ABCB1: variants seen among roughly 807,000 people sequenced by gnomAD.
ABCB1 encodes the protein ATP binding cassette subfamily B member 1.
ABCB1 carries 69 observed loss-of-function variants against 142.0 expected under a neutral mutation model. That is an observed-to-expected ratio of 0.49 (90% CI 0.40 to 0.59). The LOEUF (loss-of-function observed/expected upper bound fraction) is 0.59. Among genes scored for constraint, ABCB1 ranks in the 20% least tolerant of loss-of-function variants. The probability of loss-of-function intolerance (pLI) is 0.00; values close to 1 mark genes in which losing one functional copy is unlikely to be tolerated. For missense variants in ABCB1, 1,326 were observed against 1,554.7 expected, an observed-to-expected ratio of 0.85 and a Z score of 2.47; for synonymous variants, 532 against 539.2, an observed-to-expected ratio of 0.99 and a Z score of 0.18.
chr7:87,703,944 A>G (rs1829362969), intron 1 of ABCB1, among the ~76,000 whole-genome samples: 1 of 25,158 alleles, frequency 4.0e-5, no homozygotes, highest in Admixed American at 6.4e-4. Context: ...TTTTTTTGAG[A>G]CAGTCTAGTT....
chr7:87,643,793 C>G (rs991799427), intron 1 of ABCB1, among the ~76,000 whole-genome samples: 1 of 151,722 alleles, frequency 6.6e-6, no homozygotes, highest in African/African-American at 2.4e-5. Context: ...TCCCAAAGTG[C>G]TAGGATTACA....
At chr7:87,514,583 A>T (rs917613239) in intron 25 of ABCB1, among the ~76,000 whole-genome samples, 3 of 152,152 alleles carry the variant, frequency 2.0e-5, no homozygotes, top group Admixed American at 2.0e-4. Flanking sequence ...AATGCTCAAG[A>T]GTTCAACCCC....
intron 1 of ABCB1, among the ~76,000 whole-genome samples, chr7:87,633,636 G>A (rs1214172108): frequency 6.6e-6 from 1 of 151,858 alleles, no homozygotes; most frequent in African/African-American, 2.4e-5. Flanking sequence ...TGTGACCTGG[G>A]AAAGTATATA....
chr7:87,621,615 C>T (rs145577931), intron 1 of ABCB1, among the ~76,000 whole-genome samples: 390 of 151,886 alleles, frequency 2.6e-3, no homozygotes, highest in African/African-American at 8.3e-3. Flanking sequence ...ATTAAAAAAA[C>T]GAAAATTTGA....
chr7:87,531,423 G>A lies in ABCB1; in HGVS notation c.2556C>T (p.Ile852=), dbSNP rs747022752. Reference sequence around the variant, plus strand: ...GTAACAGTGTTAGTTGCCAACCATAGATGAAGGATATAATTATTCCTGTCC... The same window carrying A: ...GTAACAGTGTTAGTTGCCAACCATAAATGAAGGATATAATTATTCCTGTCC... ...NLGTGIIISF[I]YGWQLTLLLL... is the part of the protein sequence containing the mutation. Residue 852 remains isoleucine, a synonymous_variant, in exon 21 of 28, where the codon ATC becomes ATT. Transcript: ENST00000622132. The A allele has an allele frequency of 2.0e-5, 33 of 1,613,476 alleles. No individual in the cohort carries two copies. The highest frequency in any genetic ancestry group is 2.8e-5 in the Non-Finnish European group (33 of 1,179,692).
chr7:87,519,614 A>T, intron 22 of ABCB1, 148 bp from the exon 23 acceptor site: 1 of 874,588 alleles, frequency 1.1e-6, no homozygotes, highest in Non-Finnish European at 1.8e-6. Flanking sequence ...CTCACTTTAC[A>T]CTTAACAGTT....
chr7:87,552,647 T>C (rs555655863), intron 9 of ABCB1, among the ~76,000 whole-genome samples: 2 of 107,832 alleles, frequency 1.9e-5, no homozygotes, highest in South Asian at 2.7e-4. Context: ...ATCACTATAC[T>C]AAAAAAAAAA....
Position 87,543,992 on chromosome 7 carries a change from T to C in ABCB1, c.2211+137A>G, listed in dbSNP as rs191091190. On this transcript the variant is annotated intron_variant, in intron 17 of 27. Coordinates refer to ENST00000622132, the MANE Select transcript of ABCB1 (RefSeq NM_001348946.2). ...CACAAACCAGACTGCTATTCTTACA[T>C]CTTCAAGCCAATTAGTTTCATATGG... 4,847 of 1,052,246 alleles carry C rather than the reference T, an allele frequency of 4.6e-3. 16 individuals carry two copies. The highest frequency in any genetic ancestry group is 0.018 in the Middle Eastern group (75 of 4,214). The allele number at this position is 1,052,246 out of a possible 1,614,324, so 65.2% of individuals were successfully genotyped here. A position where few individuals can be genotyped will look rare whatever the true frequency, so the allele number is the denominator to read the frequency against.
intron 27 of ABCB1, among the ~76,000 whole-genome samples, chr7:87,505,117 C>T (rs142744380): frequency 6.6e-6 from 1 of 152,200 alleles, no homozygotes; most frequent in East Asian, 1.9e-4. Context: ...GTTCCCACCA[C>T]CATGCCTAGC....
intron 1 of ABCB1, among the ~76,000 whole-genome samples, chr7:87,685,338 G>T (rs1446615953): frequency 6.6e-6 from 1 of 152,146 alleles, no homozygotes; most frequent in African/African-American, 2.4e-5. Flanking sequence ...ATGAAAAGAT[G>T]TTCAACATCA....
At chr7:87,712,550 A>G (rs1398853334) in intron 1 of ABCB1, among the ~76,000 whole-genome samples, 4 of 152,092 alleles carry the variant, frequency 2.6e-5, no homozygotes, top group East Asian at 1.9e-4. Context: ...TAAATAATTA[A>G]TAATCTCTCT....
chr7:87,645,342 C>G (rs1290426540), intron 1 of ABCB1, among the ~76,000 whole-genome samples: 2 of 152,024 alleles, frequency 1.3e-5, no homozygotes, highest in African/African-American at 4.8e-5. Flanking sequence ...CCTCAGCCTC[C>G]CAAAGTGCAG....
intron 4 of ABCB1, among the ~76,000 whole-genome samples, chr7:87,578,220 A>G (rs1457748459): frequency 6.6e-6 from 1 of 152,192 alleles, no homozygotes; most frequent in Non-Finnish European, 1.5e-5. Flanking sequence ...GTCAAAAATG[A>G]GTTCACTGTA....
chr7:87,566,392 A>G (rs1817783208), intron 6 of ABCB1, 151 bp from the exon 7 acceptor site: 1 of 797,296 alleles, frequency 1.3e-6, no homozygotes, highest in South Asian at 1.6e-5. Flanking sequence ...TTCTACTAGG[A>G]TATTTGTCAT....
In ABCB1 at chr7:87,615,872, A is replaced by G. The variant is rs537234137; in HGVS notation, c.-330-14794T>C. Among the ~76,000 whole-genome samples the G allele has an allele frequency of 3.9e-5, 6 of 152,354 alleles. No homozygotes were observed. In the East Asian group the frequency reaches 1.2e-3, roughly 29 times the overall value. On this transcript the variant is annotated intron_variant, in intron 1 of 28. Coordinates refer to the ABCB1 transcript ENST00000265724. ...TTGGAAAAAAATGATTTTTGAACAC[A>G]AACTACAGAGAGTAAAAATCTACCA...
chr7:87,677,986 C>T (rs1826548832), intron 1 of ABCB1, among the ~76,000 whole-genome samples: 1 of 152,102 alleles, frequency 6.6e-6, no homozygotes, highest in Non-Finnish European at 1.5e-5. Flanking sequence ...AAGAAATTCC[C>T]AGATAAAGGA....
intron 3 of ABCB1, among the ~76,000 whole-genome samples, chr7:87,588,646 A>G (rs564843300): frequency 3.3e-4 from 51 of 152,322 alleles, no homozygotes; most frequent in African/African-American, 1.2e-3. Context: ...TGAACATACA[A>G]TGCATGTGTC....
In ABCB1 at chr7:87,511,529, C is replaced by T. The variant is rs562098818; in HGVS notation, c.3283-2048G>A. 1.4e-4 allele frequency among the ~76,000 whole-genome samples: 21 copies of T among 152,284 alleles called. No individual in the cohort carries two copies. The South Asian group carries it at 3.1e-3, about 23-fold the overall frequency. ...ATTTTTAAAAATCAAGCACTGACAA[C>T]GTTGTAGGTTCTGTGATAAGCATGT... On this transcript the variant is annotated intron_variant, in intron 25 of 27. Coordinates refer to ENST00000622132, the MANE Select transcript of ABCB1 (RefSeq NM_001348946.2).
chr7:87,511,396 G>C (rs1815000886), intron 25 of ABCB1, among the ~76,000 whole-genome samples: 1 of 152,132 alleles, frequency 6.6e-6, no homozygotes, highest in Admixed American at 6.5e-5. Flanking sequence ...AAAATGATTG[G>C]CTATCTCTAT....
Sources: gnomAD v4.1 joint callset for allele counts (sites outside exome capture counted in the v4.1 genomes callset) on GRCh38, gnomAD v4.1.1 for gene constraint, MANE v1.5 for transcripts, NCBI Gene and HGNC (gene_info 2026-07-23, HGNC 2026-07-21) for gene names.